Variants in CNKSR2 observed in about 807,000 individuals in gnomAD.
CNKSR2 encodes connector enhancer of kinase suppressor of Ras 2, also known as CNK homolog protein 2.
In CNKSR2, 14 loss-of-function variants were observed where a neutral mutation model predicts 84.4. The ratio of observed to expected loss-of-function variants is 0.17; its 90% confidence interval spans 0.11 to 0.26. CNKSR2 has a LOEUF of 0.26. Ranked by LOEUF, CNKSR2 falls within the 10% of genes least tolerant of loss-of-function variation. The probability of loss-of-function intolerance (pLI) is 1.00; values close to 1 mark genes in which losing one functional copy is unlikely to be tolerated. For missense variants in CNKSR2, 485 were observed against 771.2 expected, an observed-to-expected ratio of 0.63 and a Z score of 4.40; for synonymous variants, 275 against 277.9, an observed-to-expected ratio of 0.99 and a Z score of 0.10.
intron 3 of CNKSR2, among the ~76,000 whole-genome samples, chrX:21,438,894 C>T (rs113872972): frequency 0.034 from 3,788 of 111,007 alleles, 89 homozygotes; most frequent in Non-Finnish European, 0.05. Context: ...AAAGAAGAAA[C>T]AGAAATCACT....
intron 9 of CNKSR2, among the ~76,000 whole-genome samples, chrX:21,519,677 T>G (rs1228371365): frequency 9.0e-6 from 1 of 111,241 alleles, no homozygotes; most frequent in Non-Finnish European, 1.9e-5. Context: ...AAGAATTATT[T>G]AGAATAGAGG....
At chrX:21,626,244 T>TAAAA (rs397895953) in intron 20 of CNKSR2, among the ~76,000 whole-genome samples, 2 of 40,931 alleles carry the variant, frequency 4.9e-5, no homozygotes, top group African/African-American at 1.5e-4. Context: ...TTCTAGGTGG[T>TAAAA]AAAAAAAAAA....
intron 4 of CNKSR2, among the ~76,000 whole-genome samples, chrX:21,469,968 CTT>C (rs1339856383): frequency 8.9e-6 from 1 of 112,201 alleles, no homozygotes; most frequent in Non-Finnish European, 1.9e-5. Flanking sequence ...GTATTTATCA[CTT>C]AATGTATGTC....
At chrX:21,405,074 C>T (rs1471772172) in intron 1 of CNKSR2, among the ~76,000 whole-genome samples, 1 of 111,072 alleles carries the variant, frequency 9.0e-6, no homozygotes, top group Non-Finnish European at 1.9e-5. Context: ...TGTTTGCTAT[C>T]TGAATGGCAA....
intron 11 of CNKSR2, among the ~76,000 whole-genome samples, chrX:21,546,872 T>A (rs923103430): frequency 9.0e-6 from 1 of 111,441 alleles, no homozygotes; most frequent in Non-Finnish European, 1.9e-5. Context: ...TACAGACAAG[T>A]AAATGCTGAG....
chrX:21,593,199 G>A (rs1232500064), intron 15 of CNKSR2: 4 of 111,060 alleles, frequency 3.6e-5, no homozygotes, highest in African/African-American at 1.3e-4. Context: ...GAATGTCAAG[G>A]GTAAAGTAAC....
At chrX:21,637,436 A>G (rs1369000990) in intron 20 of CNKSR2, 5 of 112,143 alleles carry the variant, frequency 4.5e-5, no homozygotes, top group Non-Finnish European at 9.4e-5. Context: ...CACAAACTAT[A>G]TTATCTATCA....
chrX:21,396,762 C>G (rs1366574887), intron 1 of CNKSR2, among the ~76,000 whole-genome samples: 3 of 111,345 alleles, frequency 2.7e-5, no homozygotes, highest in Non-Finnish European at 5.7e-5. Context: ...CATCTGAGCT[C>G]GGAGAGGTTA....
chrX:21,535,945 A>G (rs1298052275), intron 11 of CNKSR2, among the ~76,000 whole-genome samples: 2 of 111,262 alleles, frequency 1.8e-5, no homozygotes, highest in Non-Finnish European at 3.8e-5. Flanking sequence ...GTCTTGTTCC[A>G]GTTTTTAGAG....
At chrX:21,390,150 G>T (rs2090028677) in intron 1 of CNKSR2, among the ~76,000 whole-genome samples, 1 of 111,941 alleles carries the variant, frequency 8.9e-6, no homozygotes, top group Non-Finnish European at 1.9e-5. Flanking sequence ...TAGGCAATTT[G>T]TGTGGGAATG....
At chrX:21,407,201 T>C (rs1053445746) in intron 1 of CNKSR2, among the ~76,000 whole-genome samples, 4 of 111,927 alleles carry the variant, frequency 3.6e-5, no homozygotes, top group African/African-American at 9.7e-5. Context: ...GTAGTTAATG[T>C]TGCACTCAGG....
chrX:21,542,084 T>G (rs1414729569), intron 11 of CNKSR2, among the ~76,000 whole-genome samples: 1 of 112,308 alleles, frequency 8.9e-6, no homozygotes, highest in Non-Finnish European at 1.9e-5. Flanking sequence ...CTGACAGGCC[T>G]TAGGAAAAGA....
chrX:21,555,586 G>C (rs146042079), intron 11 of CNKSR2, among the ~76,000 whole-genome samples: 5 of 111,369 alleles, frequency 4.5e-5, no homozygotes, highest in African/African-American at 1.6e-4. Context: ...TAATTTTTCT[G>C]TCTGGTATGT....
At chrX:21,549,020 G>A (rs774813407) in intron 11 of CNKSR2, among the ~76,000 whole-genome samples, 1 of 112,535 alleles carries the variant, frequency 8.9e-6, no homozygotes, top group South Asian at 3.7e-4. Context: ...ATAAGACAAG[G>A]ATGCCCTCTC....
At chrX:21,497,699 G>A (rs2091515302) in intron 6 of CNKSR2, 88 bp from the exon 7 acceptor site, 1 of 516,937 alleles carries the variant, frequency 1.9e-6, no homozygotes, top group Non-Finnish European at 3.5e-6. Context: ...TAATTTGATA[G>A]AGTAATTTTT....
intron 5 of CNKSR2, among the ~76,000 whole-genome samples, chrX:21,471,086 G>C (rs1283730721): frequency 9.0e-6 from 1 of 111,699 alleles, no homozygotes; most frequent in Non-Finnish European, 1.9e-5. Context: ...AATTTGAAAT[G>C]AGAATTTCTT....
At chrX:21,484,614 T>C (rs1306993687) in intron 5 of CNKSR2, among the ~76,000 whole-genome samples, 1 of 111,815 alleles carries the variant, frequency 8.9e-6, no homozygotes, top group African/African-American at 3.2e-5. Flanking sequence ...AAATTTCTTT[T>C]TGTAAAGCTT....
intron 5 of CNKSR2, among the ~76,000 whole-genome samples, chrX:21,478,434 T>G (rs1240443837): frequency 8.9e-6 from 1 of 112,216 alleles, no homozygotes; most frequent in East Asian, 2.8e-4. Flanking sequence ...TGTGAAGAAT[T>G]AAAATAATCT....
At chrX:21,447,968 C>T (rs1346915944) in intron 4 of CNKSR2, among the ~76,000 whole-genome samples, 3 of 111,012 alleles carry the variant, frequency 2.7e-5, no homozygotes, top group Non-Finnish European at 1.9e-5. Flanking sequence ...GATTCAAATA[C>T]GAAGCCAAAG....
Sources: allele counts gnomAD v4.1 joint callset (sites outside exome capture counted in the v4.1 genomes callset), GRCh38; gene constraint gnomAD v4.1.1; transcripts MANE v1.5; gene names NCBI Gene and HGNC (gene_info 2026-07-23, HGNC 2026-07-21).